Variants in OR5K1 observed in about 807,000 individuals in gnomAD.
OR5K1 encodes the protein olfactory receptor family 5 subfamily K member 1.
OR5K1 carries 7 observed loss-of-function variants against 10.4 expected under a neutral mutation model. The ratio of observed to expected loss-of-function variants is 0.67; its 90% CI spans 0.38 to 1.26. The LOEUF (loss-of-function observed/expected upper bound fraction) is 1.26. Ranked by LOEUF, OR5K1 falls within the 50% of genes most tolerant of loss-of-function variation. The pLI is 0.02. For missense variants in OR5K1, 435 were observed against 366.2 expected, an observed-to-expected ratio of 1.19 and a Z score of -1.53; for synonymous variants, 135 against 128.5, an observed-to-expected ratio of 1.05 and a Z score of -0.34.
chr3:98,469,667 T>G lies in OR5K1; in HGVS notation c.91T>G (p.Phe31Val). 6.2e-7 allele frequency: 1 copy of G among 1,613,698 alleles called. No homozygotes were observed. ...GCTGAAGACTCTGCTGTTTGTGGTG[T>G]TCTTTGCCATCTATCTGATCACCGT... ...PELKTLLFVV[F>V]FAIYLITVVG... The change falls in exon 2 of 2, where the codon TTC (phenylalanine) becomes GTC (valine). Residue 31 changes from phenylalanine (F) to valine (V), a missense_variant. Coordinates refer to ENST00000642057, the MANE Select transcript of OR5K1 (RefSeq NM_001004736.4).
chr3:98,469,775 G>A lies in OR5K1; in HGVS notation c.199G>A (p.Ala67Thr), dbSNP rs767258138. 1.2e-6 allele frequency: 2 copies of A among 1,613,728 alleles called. No individual in the cohort carries two copies. The highest frequency in any genetic ancestry group is 1.1e-5 in the South Asian group (1 of 91,078). Residue 67 changes from alanine to threonine, a missense_variant, in exon 2 of 2, where the codon GCT becomes ACT. Physicochemically the swap from Ala to Thr is moderately conservative, Grantham distance 58. Coordinates refer to ENST00000642057, the MANE Select transcript of OR5K1 (RefSeq NM_001004736.4). Reference sequence around the variant, plus strand: ...AATGTACATCTTTCTGGGAAATCTGGCTCTTGTGGATTCTTGCTGTGCCTG... The same window carrying A: ...AATGTACATCTTTCTGGGAAATCTGACTCTTGTGGATTCTTGCTGTGCCTG... The part of the protein sequence containing the change: ...TPMYIFLGNL[A>T]LVDSCCACAI...
Position 98,466,361 on chromosome 3 carries a change from G to A in OR5K1, c.-12+3054G>A, listed in dbSNP as rs1311542317. On this transcript the variant is annotated intron_variant, in intron 1 of 1. Coordinates refer to ENST00000642057, the MANE Select transcript of OR5K1 (RefSeq NM_001004736.4). The stretch of plus-strand genomic sequence containing the variant: ...GTGAATAATGCCGCAGTAAACATAC[G>A]TGTGCATGTGTCTTTATAGCAGCAT... Among the ~76,000 whole-genome samples the A allele has an allele frequency of 1.5e-4, 17 of 110,906 alleles. No homozygotes were observed. In the South Asian group the frequency reaches 1.7e-3, roughly 11 times the overall value. 72.8% of individuals were successfully genotyped at this position (110,906 alleles called of 152,430 possible). A position where few individuals can be genotyped will look rare whatever the true frequency, so the allele number is the denominator to read the frequency against.
rs1705448535 is a variant in OR5K1 at position 98,471,586 on chromosome 3, G to A, written c.*1083G>A. 1.3e-5 allele frequency: 2 copies of A among 151,890 alleles called. No homozygotes were observed. The highest frequency in any genetic ancestry group is 4.8e-5 in the African/African-American group (2 of 41,368). The allele number at this position is 151,890 out of a possible 1,614,324, so 9.4% of individuals were successfully genotyped here. A position where few individuals can be genotyped will look rare whatever the true frequency, so the allele number is the denominator to read the frequency against. ...GCCATATCAGTTACAAAAAATGCCAGTTTTTCCATCTTCTCGAAGAATAGA... is the reference window on the plus strand; with the variant it reads ...GCCATATCAGTTACAAAAAATGCCAATTTTTCCATCTTCTCGAAGAATAGA... On this transcript the variant is annotated 3_prime_UTR_variant, in exon 2 of 2. Coordinates refer to ENST00000642057, the MANE Select transcript of OR5K1 (RefSeq NM_001004736.4).
rs1233182238 is a variant in OR5K1 at position 98,470,798 on chromosome 3, G to A, written c.*295G>A. 1.6e-5 allele frequency: 3 copies of A among 185,960 alleles called. No individual in the cohort carries two copies. The highest frequency in any genetic ancestry group is 3.3e-5 in the Non-Finnish European group (3 of 90,684). The allele number at this position is 185,960 out of a possible 1,614,324, so 11.5% of individuals were successfully genotyped here. On this transcript the variant is annotated 3_prime_UTR_variant, in exon 2 of 2. Transcript: ENST00000642057. ...TCTGTGTTGGCATCAGGGATGATAA[G>A]CATCCAAAAGAACACAGCAAAACTG...
At chr3:98,469,345 TA>T in intron 1 of OR5K1, 1 of 563,786 alleles carries the variant, frequency 1.8e-6, no homozygotes, top group Non-Finnish European at 3.1e-6. Context: ...TAAAATGGTT[TA>T]AAAATGATTT....
Position 98,470,171 on chromosome 3 carries a change from C to T in OR5K1, c.595C>T (p.Leu199=), listed in dbSNP as rs1705428712. Residue 199 remains leucine (L), a synonymous_variant, in exon 2 of 2, where the codon CTA becomes TTA. Transcript: ENST00000642057. ...TGATCCTTATATCAATGAACTGGTTCTATTCATCTTCTCAGGTTCAGTTCA... is the reference window on the plus strand; with the variant it reads ...TGATCCTTATATCAATGAACTGGTTTTATTCATCTTCTCAGGTTCAGTTCA... ...CVDPYINELV[L]FIFSGSVQVF... is the part of the protein sequence containing the mutation. 1 of 1,613,294 alleles carries T rather than the reference C, an allele frequency of 6.2e-7. No homozygotes were observed. The highest frequency in any genetic ancestry group is 8.5e-7 in the Non-Finnish European group (1 of 1,179,536).
In OR5K1 at chr3:98,472,288, C is replaced by T. The variant is rs1297553540; in HGVS notation, c.*1785C>T. 1 of 151,910 alleles carries T rather than the reference C, an allele frequency of 6.6e-6. No homozygotes were observed. Among genetic ancestry groups the T allele is most frequent in the African/African-American group, 2.4e-5 (1 of 41,390 alleles). The allele number at this position is 151,910 out of a possible 1,614,324, so 9.4% of individuals were successfully genotyped here. A position where few individuals can be genotyped will look rare whatever the true frequency, so the allele number is the denominator to read the frequency against. ...CTAATTTCTGAGTAAATTCTCTTGA[C>T]CTCTTCCCAGTGGGTCCAGGAAATG... On this transcript the variant is annotated 3_prime_UTR_variant, in exon 2 of 2. Transcript: ENST00000642057.
chr3:98,465,021 A>C (rs890322470), intron 1 of OR5K1, among the ~76,000 whole-genome samples: 2 of 152,170 alleles, frequency 1.3e-5, no homozygotes, highest in African/African-American at 4.8e-5. Context: ...CATTTTATTT[A>C]CTTAATAAAA....
At chr3:98,467,717 A>T (rs1490962946) in intron 1 of OR5K1, among the ~76,000 whole-genome samples, 1 of 127,730 alleles carries the variant, frequency 7.8e-6, no homozygotes, top group Admixed American at 8.4e-5. Context: ...TTGTTGGTGT[A>T]TAAGAATGCT....
At chr3:98,469,323 A>G (rs1277494767) in intron 1 of OR5K1, among the ~76,000 whole-genome samples, 1 of 152,094 alleles carries the variant, frequency 6.6e-6, no homozygotes, top group Non-Finnish European at 1.5e-5. Context: ...AAAAACTACT[A>G]TTAGGTACTA....
intron 1 of OR5K1, among the ~76,000 whole-genome samples, chr3:98,467,985 C>T (rs1705395041): frequency 6.6e-6 from 1 of 151,992 alleles, no homozygotes; most frequent in Admixed American, 6.6e-5. Flanking sequence ...TGCCAGTTTT[C>T]AAAGGGAATG....
chr3:98,468,447 C>A (rs1705400602), intron 1 of OR5K1, among the ~76,000 whole-genome samples: 1 of 152,046 alleles, frequency 6.6e-6, no homozygotes, highest in South Asian at 2.1e-4. Flanking sequence ...ACTTTATCTT[C>A]CCAAACTGAA....
chr3:98,470,314 G>A lies in OR5K1; in HGVS notation c.738G>A (p.Leu246=), dbSNP rs373134187. Reference sequence around the variant, plus strand: ...TTTCTACCTGTGCATCCCACTTTTTGTCAGTTTCATTATTCTATGGATCTC... The same window carrying A: ...TTTCTACCTGTGCATCCCACTTTTTATCAGTTTCATTATTCTATGGATCTC... ...KAFSTCASHF[L]SVSLFYGSLF... is the part of the protein sequence containing the mutation. The change falls in exon 2 of 2, where the codon TTG becomes TTA. Residue 246 remains leucine, a synonymous_variant. Coordinates refer to ENST00000642057, the MANE Select transcript of OR5K1 (RefSeq NM_001004736.4). 179 of 1,613,072 alleles carry A rather than the reference G, an allele frequency of 1.1e-4. No individual in the cohort carries two copies. The highest frequency in any genetic ancestry group is 1.2e-4 in the Non-Finnish European group (139 of 1,179,592).
intron 1 of OR5K1, among the ~76,000 whole-genome samples, chr3:98,464,455 G>C (rs577431557): frequency 6.6e-6 from 1 of 152,030 alleles, no homozygotes; most frequent in East Asian, 1.9e-4. Context: ...AAATATCTAG[G>C]AGGGTCAGTC....
chr3:98,465,989 C>T (rs1438112380), intron 1 of OR5K1, among the ~76,000 whole-genome samples: 1 of 151,652 alleles, frequency 6.6e-6, no homozygotes, highest in Admixed American at 6.6e-5. Context: ...TGCTGGTGCG[C>T]TGCACCCACT....
At position 98,472,835 on chromosome 3, in the gene OR5K1, T is replaced by C. The variant is rs1316517493; in HGVS notation, c.*2332T>C. On this transcript the variant is annotated 3_prime_UTR_variant, in exon 2 of 2. Transcript: ENST00000642057. ...AAGACAGAATTACAGGCAGGCTTTATCTGAGAATTACTGGTTATGGGAGAA... is the reference window on the plus strand; with the variant it reads ...AAGACAGAATTACAGGCAGGCTTTACCTGAGAATTACTGGTTATGGGAGAA... The C allele has an allele frequency of 6.6e-6, 1 of 152,004 alleles. No homozygotes were observed. The highest frequency in any genetic ancestry group is 2.4e-5 in the African/African-American group (1 of 41,432). The allele number at this position is 152,004 out of a possible 1,614,324, so 9.4% of individuals were successfully genotyped here.
chr3:98,464,256 A>G (rs1056039477), intron 1 of OR5K1, among the ~76,000 whole-genome samples: 1 of 152,184 alleles, frequency 6.6e-6, no homozygotes, highest in Non-Finnish European at 1.5e-5. Flanking sequence ...ACCCTGTTTC[A>G]AAAAATAAAC....
Position 98,472,149 on chromosome 3 carries a change from G to A in OR5K1, c.*1646G>A, listed in dbSNP as rs1452271930. On this transcript the variant is annotated 3_prime_UTR_variant, in exon 2 of 2. Coordinates refer to ENST00000642057, the MANE Select transcript of OR5K1 (RefSeq NM_001004736.4). ...TTTCTTCATGCCACCATCACTTCAGGTATCTACGTCCATGTCTACTCCTCA... is the reference window on the plus strand; with the variant it reads ...TTTCTTCATGCCACCATCACTTCAGATATCTACGTCCATGTCTACTCCTCA... The A allele has an allele frequency of 6.6e-6, 1 of 151,726 alleles. No homozygotes were observed. The allele number at this position is 151,726 out of a possible 1,614,324, so 9.4% of individuals were successfully genotyped here.
intron 1 of OR5K1, among the ~76,000 whole-genome samples, chr3:98,467,177 T>C (rs1705385063): frequency 1.0e-5 from 1 of 98,678 alleles, no homozygotes; most frequent in Non-Finnish European, 2.0e-5. Context: ...CATTGCTTGT[T>C]TTTCTCAGGT....
Sources: gnomAD v4.1 joint callset for allele counts (sites outside exome capture counted in the v4.1 genomes callset) on GRCh38, gnomAD v4.1.1 for gene constraint, MANE v1.5 for transcripts, NCBI Gene and HGNC (gene_info 2026-07-23, HGNC 2026-07-21) for gene names.